KATNAL1: variants seen among roughly 807,000 people sequenced by gnomAD.
KATNAL1 encodes the protein katanin catalytic subunit A1 like 1.
Under a neutral mutation model 55.2 loss-of-function variants are expected in KATNAL1, and 32 were observed. That is an observed-to-expected ratio of 0.58 (90% confidence interval 0.44 to 0.78). The LOEUF (loss-of-function observed/expected upper bound fraction) is 0.78. Among genes scored for constraint, KATNAL1 ranks in the 30% least tolerant of loss-of-function variants. The pLI, the probability that KATNAL1 is intolerant of heterozygous loss-of-function variation, is 0.00. For synonymous variants in KATNAL1, 193 were observed against 193.6 expected (o/e 1.00, Z 0.02); for missense variants, 466 against 600.9 (o/e 0.78, Z 2.35).
intron 1 of KATNAL1, among the ~76,000 whole-genome samples, chr13:30,294,362 T>C (rs1209056036): frequency 2.6e-5 from 4 of 152,214 alleles, no homozygotes; most frequent in African/African-American, 9.6e-5. Context: ...AACAGCCTTA[T>C]TGCTGATATG....
chr13:30,210,300 A>G lies in KATNAL1; in HGVS notation c.1274+16T>C, dbSNP rs75470540. On this transcript the variant is annotated intron_variant, in intron 10 of 10. Coordinates refer to ENST00000380615, the MANE Select transcript of KATNAL1 (RefSeq NM_032116.5). The stretch of plus-strand genomic sequence containing the variant: ...CTATAACTAATGTCTAAAATCACAG[A>G]TCATTAAAAAAATACCTGCAAACAT... 51,218 of 1,577,044 alleles carry G rather than the reference A, an allele frequency of 0.032. 962 individuals carry two copies. The highest frequency in any genetic ancestry group is 0.039 in the Non-Finnish European group (45,313 of 1,165,426).
At chr13:30,263,205 T>C (rs1042466220) in intron 3 of KATNAL1, among the ~76,000 whole-genome samples, 2 of 152,196 alleles carry the variant, frequency 1.3e-5, no homozygotes, top group African/African-American at 2.4e-5. Context: ...AATTAGGTAT[T>C]GATGGGACGT....
chr13:30,213,054 T>G (rs913882727), intron 9 of KATNAL1, among the ~76,000 whole-genome samples: 3 of 151,200 alleles, frequency 2.0e-5, no homozygotes, highest in Non-Finnish European at 3.0e-5. Context: ...GGCCCCAGAG[T>G]GCAACCACCC....
In KATNAL1 at chr13:30,255,510, T is replaced by C. The variant is rs1878697343; in HGVS notation, c.429A>G (p.Ser143=). The C allele has an allele frequency of 6.3e-7, 1 of 1,599,724 alleles. No individual in the cohort carries two copies. The highest frequency in any genetic ancestry group is 8.5e-7 in the Non-Finnish European group (1 of 1,172,710). ...TACTTGTAGAAGGCTTTTCACTCTTTGATATAGGATGTGCTCGGCCTACAG... is the reference window on the plus strand; with the variant it reads ...TACTTGTAGAAGGCTTTTCACTCTTCGATATAGGATGTGCTCGGCCTACAG... The part of the protein sequence containing the change: ...RGPVGRAHPI[S]KSEKPSTSRD... Residue 143 remains serine (S), a synonymous_variant, in exon 4 of 11, where the codon TCA becomes TCG. Transcript: ENST00000380615.
chr13:30,211,350 G>C (rs563355664), intron 9 of KATNAL1, among the ~76,000 whole-genome samples: 2 of 152,170 alleles, frequency 1.3e-5, no homozygotes, highest in African/African-American at 2.4e-5. Context: ...AGCGCTAGCT[G>C]CAGGCATCAC....
chr13:30,289,357 T>C (rs1262412069), intron 1 of KATNAL1, among the ~76,000 whole-genome samples: 2 of 152,234 alleles, frequency 1.3e-5, no homozygotes, highest in African/African-American at 4.8e-5. Flanking sequence ...GACACAATTC[T>C]GCGCCTGTTG....
chr13:30,297,978 T>C (rs1039222974), intron 1 of KATNAL1, among the ~76,000 whole-genome samples: 1 of 152,100 alleles, frequency 6.6e-6, no homozygotes, highest in East Asian at 1.9e-4. Context: ...AATATACCCA[T>C]GTAACAAACG....
At chr13:30,291,793 T>C (rs1336710357) in intron 1 of KATNAL1, among the ~76,000 whole-genome samples, 1 of 152,106 alleles carries the variant, frequency 6.6e-6, no homozygotes, top group Non-Finnish European at 1.5e-5. Context: ...CCCAGCACTT[T>C]GGGAAGCCGA....
At chr13:30,296,425 G>C (rs556376231) in intron 1 of KATNAL1, 2 of 874,774 alleles carry the variant, frequency 2.3e-6, no homozygotes, top group African/African-American at 3.3e-5. Flanking sequence ...CCCGGAAGGA[G>C]GGAGGCTTGG....
At chr13:30,303,171 C>T (rs548871265) in intron 1 of KATNAL1, among the ~76,000 whole-genome samples, 4 of 152,296 alleles carry the variant, frequency 2.6e-5, no homozygotes, top group East Asian at 1.9e-4. Context: ...CTTTGCCATC[C>T]GTTCAGTTAG....
intron 9 of KATNAL1, among the ~76,000 whole-genome samples, chr13:30,220,286 C>T (rs548739851): frequency 2.7e-4 from 41 of 152,148 alleles, no homozygotes; most frequent in Middle Eastern, 3.4e-3. Flanking sequence ...CATGGTGAAA[C>T]CCCGTCTCTA....
chr13:30,278,860 G>A (rs1323489308), intron 3 of KATNAL1, among the ~76,000 whole-genome samples: 1 of 152,086 alleles, frequency 6.6e-6, no homozygotes, highest in Non-Finnish European at 1.5e-5. Context: ...AGGGATATGG[G>A]TTACCCTAGT....
intron 1 of KATNAL1, chr13:30,296,083 G>A: frequency 3.4e-6 from 1 of 295,706 alleles, no homozygotes; most frequent in Non-Finnish European, 6.3e-6. Flanking sequence ...TGGGCACTGA[G>A]AACGCGGGTC....
At chr13:30,305,854 T>C (rs956796109) in intron 1 of KATNAL1, among the ~76,000 whole-genome samples, 1 of 152,242 alleles carries the variant, frequency 6.6e-6, no homozygotes, top group African/African-American at 2.4e-5. Flanking sequence ...CATAGGTTCC[T>C]AACACATTTT....
chr13:30,271,921 G>C (rs941629242), intron 3 of KATNAL1, among the ~76,000 whole-genome samples: 4 of 142,676 alleles, frequency 2.8e-5, no homozygotes, highest in Non-Finnish European at 4.5e-5. Context: ...TAATGTCACA[G>C]AAGCCTTAGG....
chr13:30,280,162 C>T lies in KATNAL1; in HGVS notation c.224G>A (p.Ser75Asn). The T allele has an allele frequency of 1.2e-6, 2 of 1,613,270 alleles. No homozygotes were observed. The highest frequency in any genetic ancestry group is 2.7e-5 in the African/African-American group (2 of 74,908). ...ATCTGGAGGCTTGTCAATTTTAAAA[C>T]TTTCTAAAGTGCTGACAATACTTTT... is the stretch of plus-strand genomic sequence containing the variant. ...QVKSIVSTLE[S>N]FKIDKPPDFP... The change falls in exon 3 of 11, where the codon AGT (serine) becomes AAT (asparagine). Residue 75 changes from serine to asparagine, a missense_variant. Transcript: ENST00000380615.
chr13:30,242,029 T>G (rs977536998), intron 4 of KATNAL1, among the ~76,000 whole-genome samples: 2 of 152,166 alleles, frequency 1.3e-5, no homozygotes, highest in African/African-American at 4.8e-5. Flanking sequence ...GGAGTAAATT[T>G]TTGGCACCTA....
At chr13:30,290,541 ACT>A (rs1381982122) in intron 1 of KATNAL1, among the ~76,000 whole-genome samples, 1 of 152,080 alleles carries the variant, frequency 6.6e-6, no homozygotes, top group African/African-American at 2.4e-5. Flanking sequence ...AATATTTCCA[ACT>A]CTTTTTTTTT....
At position 30,263,214 on chromosome 13, in the gene KATNAL1, G is replaced by A. The variant is rs933992014; in HGVS notation, c.324-7599C>T. The stretch of plus-strand genomic sequence containing the variant: ...TCAATAAATTAGGTATTGATGGGAC[G>A]TATCTCAAAATAATAAGAGCTATTC... On this transcript the variant is annotated intron_variant, in intron 3 of 10. Coordinates refer to ENST00000380615, the MANE Select transcript of KATNAL1 (RefSeq NM_032116.5). 1.1e-4 allele frequency among the ~76,000 whole-genome samples: 16 copies of A among 152,110 alleles called. No individual in the cohort carries two copies. In the East Asian group the frequency reaches 1.7e-3, roughly 16 times the overall value.
Sources: allele counts gnomAD v4.1 joint callset (sites outside exome capture counted in the v4.1 genomes callset), GRCh38; gene constraint gnomAD v4.1.1; transcripts MANE v1.5; gene names NCBI Gene and HGNC (gene_info 2026-07-23, HGNC 2026-07-21).